The following DCAF8L2 variants were observed in gnomAD, a reference collection of about 807,000 sequenced individuals.
The protein encoded by DCAF8L2 is DDB1 and CUL4 associated factor 8 like 2.
For synonymous variants in DCAF8L2, 200 were observed against 190.9 expected, an observed-to-expected ratio of 1.05 and a Z score of -0.39; for missense variants, 430 against 490.7, an observed-to-expected ratio of 0.88 and a Z score of 1.17.
the DCAF8L2 span, among the ~76,000 whole-genome samples, chrX:27,475,103 C>G: frequency 9.0e-6 from 1 of 111,215 alleles, no homozygotes; most frequent in Non-Finnish European, 1.9e-5. Context: ...GAAAATAGGT[C>G]AAGTCACTTG....
chrX:27,735,749 A>G (rs1049066169), intron 4 of DCAF8L2, among the ~76,000 whole-genome samples: 7 of 111,829 alleles, frequency 6.3e-5, no homozygotes, highest in African/African-American at 2.3e-4. Flanking sequence ...GATGGAATCT[A>G]GAAGCACATT....
the DCAF8L2 span, among the ~76,000 whole-genome samples, chrX:27,553,515 CT>C: frequency 9.1e-6 from 1 of 109,597 alleles, no homozygotes; most frequent in South Asian, 3.9e-4. Flanking sequence ...CCTTCTTTGT[CT>C]TTTTTTTTAA....
intron 3 of DCAF8L2, among the ~76,000 whole-genome samples, chrX:27,702,052 G>A (rs1368595303): frequency 1.8e-5 from 2 of 111,019 alleles, no homozygotes; most frequent in Non-Finnish European, 3.8e-5. Flanking sequence ...TTAGATACGA[G>A]AAAATAATTT....
chrX:27,577,674 C>G, the DCAF8L2 span, among the ~76,000 whole-genome samples: 2 of 111,466 alleles, frequency 1.8e-5, no homozygotes, highest in Non-Finnish European at 3.8e-5. Flanking sequence ...CCAAAAGCTT[C>G]TTAAGCTGAT....
intron 1 of DCAF8L2, among the ~76,000 whole-genome samples, chrX:27,605,903 CAG>C (rs1926842604): frequency 9.0e-6 from 1 of 110,572 alleles, no homozygotes; most frequent in African/African-American, 3.3e-5. Context: ...TGGACAGTCC[CAG>C]GGGTCTGAGG....
intron 3 of DCAF8L2, among the ~76,000 whole-genome samples, chrX:27,684,292 C>G (rs926136251): frequency 9.0e-6 from 1 of 111,509 alleles, no homozygotes; most frequent in African/African-American, 3.3e-5. Flanking sequence ...GGGCCATTTT[C>G]TGAGCATCAG....
intron 4 of DCAF8L2, among the ~76,000 whole-genome samples, chrX:27,739,024 C>T (rs1367588001): frequency 9.0e-6 from 1 of 110,880 alleles, no homozygotes; most frequent in Non-Finnish European, 1.9e-5. Context: ...AGAAATTTCT[C>T]CTGTCCTCCC....
the DCAF8L2 span, among the ~76,000 whole-genome samples, chrX:27,541,518 GCTAC>G: frequency 9.3e-6 from 1 of 107,842 alleles, no homozygotes; most frequent in Non-Finnish European, 1.9e-5. Context: ...TCAGGCATGC[GCTAC>G]CATGCCTGAC....
the DCAF8L2 span, among the ~76,000 whole-genome samples, chrX:27,492,566 G>A: frequency 8.7e-5 from 9 of 103,996 alleles, no homozygotes; most frequent in East Asian, 3.0e-4. Flanking sequence ...TGCAACCTCC[G>A]CCTCCCAGGT....
At chrX:27,566,120 G>GCC in the DCAF8L2 span, among the ~76,000 whole-genome samples, 34 of 95,906 alleles carry the variant, frequency 3.5e-4, no homozygotes, top group African/African-American at 1.2e-3. Context: ...GCCAACTCCC[G>GCC]CCCCCCCGAC....
At chrX:27,524,917 T>C in the DCAF8L2 span, among the ~76,000 whole-genome samples, 549 of 112,327 alleles carry the variant, frequency 4.9e-3, 3 homozygotes, top group Middle Eastern at 9.2e-3. Context: ...ATTTCTGTTC[T>C]TTTACATTTG....
At chrX:27,694,923 A>G (rs1930840217) in intron 3 of DCAF8L2, among the ~76,000 whole-genome samples, 1 of 112,041 alleles carries the variant, frequency 8.9e-6, no homozygotes, top group Non-Finnish European at 1.9e-5. Context: ...CACTCCAACT[A>G]CACTGTAGGA....
intron 3 of DCAF8L2, among the ~76,000 whole-genome samples, chrX:27,690,985 G>A (rs1273035835): frequency 9.0e-6 from 1 of 111,562 alleles, no homozygotes; most frequent in Non-Finnish European, 1.9e-5. Context: ...ACTGAAATAA[G>A]CATTTTTTAA....
intron 2 of DCAF8L2, among the ~76,000 whole-genome samples, chrX:27,663,475 TGTG>T (rs1351756532): frequency 7.2e-5 from 8 of 111,373 alleles, no homozygotes; most frequent in Admixed American, 9.6e-5. Flanking sequence ...TTGTATCTGT[TGTG>T]GTGATCTGCT....
chrX:27,587,984 AAATATATATATAT>A (rs1271934293), upstream of DCAF8L2, among the ~76,000 whole-genome samples: 6 of 65,171 alleles, frequency 9.2e-5, no homozygotes, highest in Non-Finnish European at 1.3e-4. Flanking sequence ...TTAAAAAAAA[AAATATATATATAT>A]ATATATATAT....
chrX:27,737,174 G>A (rs1028870474), intron 4 of DCAF8L2, among the ~76,000 whole-genome samples: 8 of 111,461 alleles, frequency 7.2e-5, no homozygotes, highest in Admixed American at 3.8e-4. Context: ...TCATATACAC[G>A]CAAACCCTTT....
chrX:27,541,550 T>G, the DCAF8L2 span, among the ~76,000 whole-genome samples: 4 of 108,843 alleles, frequency 3.7e-5, no homozygotes, highest in African/African-American at 1.0e-4. Flanking sequence ...GTATTTTCAG[T>G]AGAGACAGGA....
At chrX:27,602,961 C>T (rs1162457950) in intron 1 of DCAF8L2, among the ~76,000 whole-genome samples, 1 of 111,895 alleles carries the variant, frequency 8.9e-6, no homozygotes, top group East Asian at 2.8e-4. Context: ...CTTTCATTTG[C>T]TAATGTGCAA....
the DCAF8L2 span, among the ~76,000 whole-genome samples, chrX:27,500,870 C>T: frequency 2.7e-5 from 3 of 110,913 alleles, no homozygotes; most frequent in African/African-American, 9.8e-5. Flanking sequence ...TTAGTAAATT[C>T]ATTTAAATAA....
Sources: allele counts gnomAD v4.1 joint callset (sites outside exome capture counted in the v4.1 genomes callset), GRCh38; gene constraint gnomAD v4.1.1; transcripts MANE v1.5; gene names NCBI Gene and HGNC (gene_info 2026-07-23, HGNC 2026-07-21).